Variants in FOXP2 observed in about 807,000 individuals in gnomAD.
FOXP2 encodes forkhead box protein P2.
A neutral mutation model predicts 115.8 loss-of-function variants in FOXP2; 12 were observed. The observed-to-expected ratio is 0.10, with a 90% CI of 0.07 to 0.17. The LOEUF (loss-of-function observed/expected upper bound fraction) is 0.17, where lower values mean the gene tolerates loss of function less well. FOXP2 is among the 10% of genes least tolerant of loss of function. The pLI is 1.00. For synonymous variants in FOXP2, 328 were observed against 297.7 expected (o/e 1.10, Z -1.05); for missense variants, 629 against 843.5 (o/e 0.75, Z 3.15).
chr7:114,142,953 CT>C (rs1353723380), intron 1 of FOXP2, among the ~76,000 whole-genome samples: 1 of 151,816 alleles, frequency 6.6e-6, no homozygotes, highest in Non-Finnish European at 1.5e-5. Context: ...TTCAAGACCA[CT>C]TTTGGCAACA....
At chr7:114,250,609 T>A (rs549778685) in intron 1 of FOXP2, among the ~76,000 whole-genome samples, 85 of 152,344 alleles carry the variant, frequency 5.6e-4, no homozygotes, top group Non-Finnish European at 9.8e-4. Flanking sequence ...GAGAAGTGTC[T>A]GTTCATAAAT....
intron 6 of FOXP2, among the ~76,000 whole-genome samples, chr7:114,641,344 C>A (rs1805517405): frequency 6.6e-6 from 1 of 152,110 alleles, no homozygotes; most frequent in African/African-American, 2.4e-5. Flanking sequence ...ATGATTATAT[C>A]TAGCTTTTCT....
Position 114,642,530 on chromosome 7 carries a change from C to G in FOXP2, c.896C>G (p.Thr299Ser). Residue 299 changes from threonine to serine, a missense_variant, in exon 7 of 17, where the codon ACT becomes AGT. Coordinates refer to ENST00000350908, the MANE Select transcript of FOXP2 (RefSeq NM_014491.4). ...LDLTTNNSSSTTSSNTSKASP... is the reference protein window; with the variant it reads ...LDLTTNNSSSSTSSNTSKASP... The stretch of plus-strand genomic sequence containing the variant: ...CTCACTACTAACAATTCCTCCTCGA[C>G]TACCTCCTCCAACACTTCCAAAGCA... 1 of 1,613,834 alleles carries G rather than the reference C, an allele frequency of 6.2e-7. No homozygotes were observed. The highest frequency in any genetic ancestry group is 8.5e-7 in the Non-Finnish European group (1 of 1,179,936).
At chr7:114,395,257 CT>C (rs1792710415) in intron 2 of FOXP2, among the ~76,000 whole-genome samples, 1 of 152,124 alleles carries the variant, frequency 6.6e-6, no homozygotes, top group African/African-American at 2.4e-5. Context: ...ATAAAATATA[CT>C]AATGCTTGAG....
At chr7:114,246,558 T>C (rs898257975) in intron 1 of FOXP2, among the ~76,000 whole-genome samples, 2 of 152,160 alleles carry the variant, frequency 1.3e-5, no homozygotes, top group African/African-American at 4.8e-5. Flanking sequence ...TGGTATTGAG[T>C]ACATATTATA....
At chr7:114,402,829 G>A (rs1369028641) in intron 2 of FOXP2, among the ~76,000 whole-genome samples, 2 of 151,998 alleles carry the variant, frequency 1.3e-5, no homozygotes, top group Non-Finnish European at 2.9e-5. Context: ...GTAATGATGA[G>A]TATCTTGTTA....
chr7:114,483,512 A>G (rs925935469), intron 2 of FOXP2, among the ~76,000 whole-genome samples: 16 of 151,546 alleles, frequency 1.1e-4, no homozygotes, highest in African/African-American at 3.6e-4. Flanking sequence ...AATGTCAGGT[A>G]TTCTCTCTCT....
chr7:114,090,853 TCTTATGGAGGTATTCTAGA>T (rs994428008), intron 1 of FOXP2, among the ~76,000 whole-genome samples: 106 of 151,822 alleles, frequency 7.0e-4, no homozygotes, highest in African/African-American at 2.4e-3. Flanking sequence ...TTCATTGCTT[TCTTATGGAGGTATTCTAGA>T]CTTTTAGCTT....
At chr7:114,570,546 C>T (rs552175485) in intron 3 of FOXP2, among the ~76,000 whole-genome samples, 2 of 151,926 alleles carry the variant, frequency 1.3e-5, no homozygotes, top group East Asian at 3.9e-4. Flanking sequence ...ACAGCAGTAT[C>T]ATGGTACATA....
chr7:114,629,709 G>A, intron 4 of FOXP2, 96 bp from the exon 5 acceptor site: 18 of 1,600,756 alleles, frequency 1.1e-5, no homozygotes, highest in Non-Finnish European at 1.5e-5. Flanking sequence ...GAATCTTAAT[G>A]GATACTCTGC....
chr7:114,572,514 G>A (rs774722238), intron 3 of FOXP2, among the ~76,000 whole-genome samples: 2 of 151,658 alleles, frequency 1.3e-5, no homozygotes, highest in African/African-American at 4.8e-5. Flanking sequence ...TTTAAAGGAA[G>A]ATAAATTTTA....
chr7:114,519,427 C>T (rs1798504890), intron 2 of FOXP2, among the ~76,000 whole-genome samples: 1 of 152,080 alleles, frequency 6.6e-6, no homozygotes, highest in South Asian at 2.1e-4. Context: ...TGAGTTTCTG[C>T]CAGAGGATTC....
chr7:114,140,261 T>A (rs1489997423), intron 1 of FOXP2, among the ~76,000 whole-genome samples: 1 of 152,142 alleles, frequency 6.6e-6, no homozygotes, highest in African/African-American at 2.4e-5. Context: ...ATGAGCTCAG[T>A]TTTATTATTT....
At chr7:114,398,750 T>A (rs1407221235) in intron 2 of FOXP2, among the ~76,000 whole-genome samples, 1 of 152,146 alleles carries the variant, frequency 6.6e-6, no homozygotes, top group African/African-American at 2.4e-5. Flanking sequence ...TATCCAGGAG[T>A]AATAGTGTAG....
At chr7:114,102,994 A>G (rs1054555723) in intron 1 of FOXP2, among the ~76,000 whole-genome samples, 2 of 152,094 alleles carry the variant, frequency 1.3e-5, no homozygotes, top group African/African-American at 4.8e-5. Flanking sequence ...TAGTATTACA[A>G]TATAAATTTG....
chr7:114,531,975 A>G (rs1352427556), intron 2 of FOXP2, among the ~76,000 whole-genome samples: 2 of 151,902 alleles, frequency 1.3e-5, no homozygotes, highest in African/African-American at 2.4e-5. Flanking sequence ...GGTAAAATGG[A>G]TGGGGTCCTG....
chr7:114,527,630 A>G (rs1798940413), intron 2 of FOXP2, among the ~76,000 whole-genome samples: 1 of 152,154 alleles, frequency 6.6e-6, no homozygotes, highest in Admixed American at 6.6e-5. Context: ...TTTACTGTCT[A>G]CTAAAGAAAT....
At chr7:114,160,019 T>C (rs976163458), upstream of FOXP2, among the ~76,000 whole-genome samples, 7 of 152,178 alleles carry the variant, frequency 4.6e-5, no homozygotes, top group Non-Finnish European at 1.0e-4. Context: ...CCCTGGTCTC[T>C]GAGCATGCAT....
At chr7:114,271,907 A>C (rs1162722634) in intron 1 of FOXP2, among the ~76,000 whole-genome samples, 1 of 128,614 alleles carries the variant, frequency 7.8e-6, no homozygotes, top group Non-Finnish European at 1.6e-5. Flanking sequence ...ATAATTATTA[A>C]TATAATTATA....
Sources: gnomAD v4.1 joint callset for allele counts (sites outside exome capture counted in the v4.1 genomes callset) on GRCh38, gnomAD v4.1.1 for gene constraint, MANE v1.5 for transcripts, NCBI Gene and HGNC (gene_info 2026-07-23, HGNC 2026-07-21) for gene names.